The following ADD3 variants were observed in gnomAD, a reference collection of about 807,000 sequenced individuals.
The protein encoded by ADD3 is gamma-adducin.
In ADD3, 25 loss-of-function variants were observed where a neutral mutation model predicts 80.2. The observed-to-expected ratio is 0.31, with a 90% confidence interval of 0.23 to 0.44. The LOEUF is 0.44. Among genes scored for constraint, ADD3 ranks in the 20% least tolerant of loss-of-function variants. ADD3 has a pLI of 1.00. For missense variants in ADD3, 829 were observed against 847.5 expected (o/e 0.98, Z 0.27); for synonymous variants, 284 against 289.6 (o/e 0.98, Z 0.20).
chr10:110,119,414 G>A, intron 7 of ADD3, 52 bp from the exon 8 acceptor site: 1 of 1,613,418 alleles, frequency 6.2e-7, no homozygotes, highest in Non-Finnish European at 8.5e-7. Context: ...GATGAAAACA[G>A]TGTGAGCTAT....
intron 5 of ADD3, among the ~76,000 whole-genome samples, chr10:110,118,065 CACACACACAAT>C (rs1233171959): frequency 2.8e-5 from 4 of 140,894 alleles, no homozygotes; most frequent in South Asian, 4.8e-4. Flanking sequence ...CACACACACA[CACACACACAAT>C]GTTCATAGCT....
chr10:110,003,267 C>T (rs1018967057), upstream of ADD3, among the ~76,000 whole-genome samples: 3 of 147,248 alleles, frequency 2.0e-5, no homozygotes, highest in East Asian at 2.1e-4. Context: ...GGAAAATCCT[C>T]AAAGCTGAGA....
At chr10:110,046,054 G>A (rs549162652) in intron 1 of ADD3, among the ~76,000 whole-genome samples, 1 of 152,204 alleles carries the variant, frequency 6.6e-6, no homozygotes, top group East Asian at 1.9e-4. Flanking sequence ...AACACCATGA[G>A]ACTCATACAA....
intron 1 of ADD3, among the ~76,000 whole-genome samples, chr10:110,012,503 A>G (rs995758678): frequency 3.9e-5 from 6 of 152,356 alleles, no homozygotes; most frequent in Admixed American, 2.0e-4. Context: ...ACTTAACTGC[A>G]TTGAAGGAAT....
chr10:110,111,838 G>A (rs184732402), intron 2 of ADD3, among the ~76,000 whole-genome samples: 66 of 152,006 alleles, frequency 4.3e-4, no homozygotes, highest in Non-Finnish European at 8.1e-4. Context: ...GCTTCAACCC[G>A]GGAGGCGGAG....
chr10:110,020,482 C>T (rs1444918301), intron 1 of ADD3, among the ~76,000 whole-genome samples: 2 of 151,942 alleles, frequency 1.3e-5, no homozygotes, highest in African/African-American at 2.4e-5. Flanking sequence ...TGGATGTCTG[C>T]GGGGAAGAAC....
At chr10:110,075,080 A>AT (rs1476240489) in intron 1 of ADD3, among the ~76,000 whole-genome samples, 2 of 152,128 alleles carry the variant, frequency 1.3e-5, no homozygotes, top group Non-Finnish European at 2.9e-5. Flanking sequence ...ATTTATAAGG[A>AT]TTTTTTAAAG....
chr10:110,030,112 T>C (rs1854814908), intron 1 of ADD3, among the ~76,000 whole-genome samples: 1 of 151,740 alleles, frequency 6.6e-6, no homozygotes, highest in East Asian at 1.9e-4. Flanking sequence ...TCACCTGAGG[T>C]CGGGAGTTCG....
In ADD3 at chr10:110,133,783, A is replaced by AT; in HGVS notation, c.*166dup. ...TTACAAAAGAAAAACTTTCAGATTCATCTCTCATTTTATATGTCCAGAAAT... is the reference window on the plus strand; with the variant it reads ...TTACAAAAGAAAAACTTTCAGATTCATTCTCTCATTTTATATGTCCAGAAAT... On this transcript the variant is annotated 3_prime_UTR_variant, in exon 15 of 15. Coordinates refer to ENST00000356080, the MANE Select transcript of ADD3 (RefSeq NM_016824.5). The AT allele has an allele frequency of 1.9e-6, 1 of 535,218 alleles. No individual in the cohort carries two copies. The highest frequency in any genetic ancestry group is 3.1e-6 in the Non-Finnish European group (1 of 325,082). 33.2% of individuals were successfully genotyped at this position (535,218 alleles called of 1,614,324 possible).
chr10:110,111,395 G>A (rs1849986366), intron 2 of ADD3, among the ~76,000 whole-genome samples: 2 of 152,110 alleles, frequency 1.3e-5, no homozygotes, highest in Non-Finnish European at 2.9e-5. Context: ...GGTTGGGTGT[G>A]ATGGAAAGTC....
intron 3 of ADD3, among the ~76,000 whole-genome samples, chr10:110,114,444 C>T (rs1850438742): frequency 6.6e-6 from 1 of 152,114 alleles, no homozygotes; most frequent in Non-Finnish European, 1.5e-5. Context: ...TGGCTTTATG[C>T]ATAATGAATT....
chr10:110,130,880 A>G (rs1852888290), intron 13 of ADD3, among the ~76,000 whole-genome samples: 2 of 152,222 alleles, frequency 1.3e-5, no homozygotes, highest in African/African-American at 4.8e-5. Context: ...AGAAAAAGAA[A>G]AAAAACAATC....
intron 9 of ADD3, 23 bp from the exon 10 acceptor site, chr10:110,123,994 A>G: frequency 6.2e-7 from 1 of 1,607,814 alleles, no homozygotes; most frequent in African/African-American, 1.3e-5. Flanking sequence ...TGATGCTTCA[A>G]ATGTGGCTTT....
intron 1 of ADD3, among the ~76,000 whole-genome samples, chr10:110,014,954 A>G (rs1564840158): frequency 6.6e-6 from 1 of 150,634 alleles, no homozygotes; most frequent in Non-Finnish European, 1.5e-5. Context: ...GCTCAATGCA[A>G]CCTCCGACTC....
upstream of ADD3, among the ~76,000 whole-genome samples, chr10:110,001,684 T>TA (rs1851489218): frequency 6.6e-6 from 1 of 152,098 alleles, no homozygotes; most frequent in African/African-American, 2.4e-5. Flanking sequence ...AGATTTTTTT[T>TA]TAAAAAAAGT....
intron 1 of ADD3, among the ~76,000 whole-genome samples, chr10:110,055,172 G>A (rs558131397): frequency 6.6e-6 from 1 of 152,310 alleles, no homozygotes; most frequent in East Asian, 1.9e-4. Flanking sequence ...AATAAGTTAT[G>A]ATGATAAAAA....
intron 1 of ADD3, among the ~76,000 whole-genome samples, chr10:110,041,340 TCTGTTGAATAC>T (rs2133297579): frequency 6.6e-6 from 1 of 152,294 alleles, no homozygotes; most frequent in South Asian, 2.1e-4. Context: ...GGGATGGAAC[TCTGTTGAATAC>T]CAAGGTATAA....
chr10:110,066,487 C>A (rs1269530407), intron 1 of ADD3, among the ~76,000 whole-genome samples: 9 of 152,284 alleles, frequency 5.9e-5, no homozygotes. Context: ...CCCTCCTTGG[C>A]CTTTCAAAGT....
intron 2 of ADD3, among the ~76,000 whole-genome samples, chr10:110,106,957 A>G (rs1849464796): frequency 6.6e-6 from 1 of 152,164 alleles, no homozygotes; most frequent in Non-Finnish European, 1.5e-5. Context: ...ATAGACTGAT[A>G]AGACTGTTTT....
Sources: gnomAD v4.1 joint callset for allele counts (sites outside exome capture counted in the v4.1 genomes callset) on GRCh38, gnomAD v4.1.1 for gene constraint, MANE v1.5 for transcripts, NCBI Gene and HGNC (gene_info 2026-07-23, HGNC 2026-07-21) for gene names.